Variants in MCF2L observed in about 807,000 individuals in gnomAD.
MCF2L encodes guanine nucleotide exchange factor DBS.
Under a neutral mutation model 153.4 loss-of-function variants are expected in MCF2L, and 97 were observed. That is an observed-to-expected ratio of 0.63 (90% CI 0.54 to 0.75). MCF2L has a LOEUF of 0.75. Ranked by LOEUF, MCF2L falls within the 30% of genes least tolerant of loss-of-function variation. The pLI, the probability that MCF2L is intolerant of heterozygous loss-of-function variation, is 0.00. For missense variants in MCF2L, 1,347 were observed against 1,495.2 expected (o/e 0.90, Z 1.64); for synonymous variants, 659 against 632.2 (o/e 1.04, Z -0.64).
Position 113,053,954 on chromosome 13 carries a change from T to C in MCF2L, c.370-6639T>C, listed in dbSNP as rs2087547011. On this transcript the variant is annotated intron_variant, in intron 4 of 29. Coordinates refer to ENST00000535094, the MANE Select transcript of MCF2L (RefSeq NM_001112732.3). The surrounding 1 kb of genome is among the most constrained non-coding windows in gnomAD (Gnocchi z 4.4). Reference sequence around the variant, plus strand: ...ATACTCCTCAACTCTTGATGGGAGCTCAGTTCACACGGCTCCGAATCGGCG... The same window carrying C: ...ATACTCCTCAACTCTTGATGGGAGCCCAGTTCACACGGCTCCGAATCGGCG... Among the ~76,000 whole-genome samples the C allele has an allele frequency of 1.3e-5, 2 of 152,070 alleles. 1 individual carries two copies. Among genetic ancestry groups the C allele is most frequent in the South Asian group, 4.1e-4 (2 of 4,826 alleles).
intron 2 of MCF2L, among the ~76,000 whole-genome samples, chr13:113,018,358 G>A (rs538209083): frequency 6.6e-6 from 1 of 152,354 alleles, no homozygotes; most frequent in Non-Finnish European, 1.5e-5. Flanking sequence ...GAAGCTACGA[G>A]ACCTGCCACC....
intron 2 of MCF2L, among the ~76,000 whole-genome samples, chr13:112,924,057 C>T (rs923154702): frequency 3.3e-5 from 5 of 152,078 alleles, no homozygotes; most frequent in Admixed American, 1.3e-4. Flanking sequence ...CGGTTTATCC[C>T]GTTACTGGTG....
At chr13:112,934,516 G>T (rs1195995543) in intron 2 of MCF2L, among the ~76,000 whole-genome samples, 1 of 92,916 alleles carries the variant, frequency 1.1e-5, no homozygotes, top group Non-Finnish European at 2.3e-5. Flanking sequence ...GATTCAAGAG[G>T]TCTGATGTGG....
intron 21 of MCF2L, among the ~76,000 whole-genome samples, chr13:113,086,574 G>C (rs1220288007): frequency 6.6e-6 from 1 of 152,184 alleles, no homozygotes; most frequent in Non-Finnish European, 1.5e-5. Context: ...AGGAGGCGTG[G>C]CTCGGAGCAG....
intron 22 of MCF2L, 31 bp downstream of exon 22, chr13:113,087,487 T>C: frequency 1.3e-6 from 2 of 1,539,240 alleles, no homozygotes; most frequent in Non-Finnish European, 1.8e-6. Flanking sequence ...AGCAGCACGC[T>C]CCTGGCCACA....
At chr13:113,038,626 C>G (rs1373509864) in intron 3 of MCF2L, among the ~76,000 whole-genome samples, 3 of 152,206 alleles carry the variant, frequency 2.0e-5, no homozygotes, top group African/African-American at 4.8e-5. Context: ...GCAGGTTTTT[C>G]TTTATTTAGG....
In MCF2L at chr13:113,031,723, T is replaced by C. The variant is rs188729425; in HGVS notation, c.278+6965T>C. ...AGCTGATGATGACGCTTACTTTCCA[T>C]GGGCCTGGCTCAAAGCTCCCAGCTC... On this transcript the variant is annotated intron_variant, in intron 3 of 29. Coordinates refer to ENST00000535094, the MANE Select transcript of MCF2L (RefSeq NM_001112732.3). The surrounding 1 kb of genome is among the most constrained non-coding windows in gnomAD (Gnocchi z 5.5). Among the ~76,000 whole-genome samples the C allele has an allele frequency of 2.0e-5, 3 of 150,690 alleles. No homozygotes were observed. The highest frequency in any genetic ancestry group is 4.4e-5 in the Non-Finnish European group (3 of 67,988).
At position 112,954,531 on chromosome 13, in the gene MCF2L, C is replaced by G. The variant is rs142522302; in HGVS notation, c.169+52160C>G. Among the ~76,000 whole-genome samples the G allele has an allele frequency of 4.4e-3, 663 of 152,304 alleles. 7 individuals carry two copies. Among genetic ancestry groups the G allele is most frequent in the African/African-American group, 0.015 (613 of 41,568 alleles). On this transcript the variant is annotated intron_variant, in intron 2 of 29. Coordinates refer to the MCF2L transcript ENST00000375608. ...CCTTAGTGGAGTTCATAGGGTGAAACCAGAGGAGGGTTTGCATGGAATGAC... is the reference window on the plus strand; with the variant it reads ...CCTTAGTGGAGTTCATAGGGTGAAAGCAGAGGAGGGTTTGCATGGAATGAC...
intron 4 of MCF2L, among the ~76,000 whole-genome samples, chr13:113,051,253 C>T (rs1284622804): frequency 2.6e-5 from 4 of 152,094 alleles, no homozygotes; most frequent in African/African-American, 7.2e-5. Context: ...TTCGGGGCGA[C>T]GAGGGAAGCT....
rs755680864 is a variant in MCF2L, at chr13:113,081,270, C to T, written c.1866C>T (p.Cys622=). The T allele has an allele frequency of 6.3e-6, 10 of 1,587,380 alleles. No individual in the cohort carries two copies. The highest frequency in any genetic ancestry group is 2.3e-5 in the East Asian group (1 of 43,982). ...GGGCCTACGTGGAGGAGCTGCTGTG[C>T]GTCCTGGAGGTGAGGCTGGACTCGG... ...TERAYVEELL[C]VLEGYAAEMD... is the part of the protein sequence containing the mutation. The change falls in exon 16 of 30, where the codon TGC becomes TGT. Residue 622 remains cysteine, a synonymous_variant. Transcript: ENST00000535094.
Position 112,987,498 on chromosome 13 carries a change from G to A in MCF2L, c.79+18040G>A, listed in dbSNP as rs77882028. ...GAAGCAGAGTTGGCCTTCTGCAGCC[G>A]CACAGTTGAGTCCTGGAGTTCAGAG... On this transcript the variant is annotated intron_variant, in intron 1 of 29. Transcript: ENST00000535094. 2.6e-3 allele frequency among the ~76,000 whole-genome samples: 395 copies of A among 152,328 alleles called. 2 individuals carry two copies. The highest frequency in any genetic ancestry group is 8.6e-3 in the African/African-American group (358 of 41,574).
At chr13:112,975,261 G>T (rs2082175319) in intron 1 of MCF2L, among the ~76,000 whole-genome samples, 1 of 152,226 alleles carries the variant, frequency 6.6e-6, no homozygotes, top group South Asian at 2.1e-4. Flanking sequence ...AATGTCTAAT[G>T]TCTGGTGGTC....
At chr13:113,095,044 C>T (rs746114395) in intron 27 of MCF2L, 3 of 1,371,888 alleles carry the variant, frequency 2.2e-6, no homozygotes, top group Non-Finnish European at 2.9e-6. Context: ...CCCCCCTACC[C>T]TTTATGTCAT....
chr13:113,042,453 A>G (rs2086558274), intron 3 of MCF2L: 1 of 152,252 alleles, frequency 6.6e-6, no homozygotes, highest in Admixed American at 6.5e-5. Context: ...TTTCTCATTG[A>G]AAACGGATGC....
chr13:112,966,721 G>A (rs574075918), upstream of MCF2L, among the ~76,000 whole-genome samples: 49 of 152,364 alleles, frequency 3.2e-4, 1 homozygote, highest in Admixed American at 2.8e-3. This position sits in a 1 kb window ranked among gnomAD's most constrained non-coding sequence, Gnocchi z 4.1. Context: ...AGATGCCCAA[G>A]GGGTGAAGAG....
rs865791203 is a variant in MCF2L, at chr13:113,096,189, T to A, written c.3076-182T>A. 1.4e-4 allele frequency: 83 copies of A among 609,046 alleles called. No individual in the cohort carries two copies. The African/African-American group carries it at 1.4e-3, about 10-fold the overall frequency. 37.7% of individuals were successfully genotyped at this position (609,046 alleles called of 1,614,324 possible). A position where few individuals can be genotyped will look rare whatever the true frequency, so the allele number is the denominator to read the frequency against. ...ATTCACAGACGCCTTCCATCGCCGC[T>A]GCGGTAGTCATGCCCTGCGGCGTAG... On this transcript the variant is annotated intron_variant, in intron 27 of 29. Coordinates refer to ENST00000535094, the MANE Select transcript of MCF2L (RefSeq NM_001112732.3).
At chr13:112,968,385 G>A, upstream of MCF2L, 3 of 1,524,358 alleles carry the variant, frequency 2.0e-6, no homozygotes, top group East Asian at 2.4e-5. Flanking sequence ...CCATGGCCCT[G>A]CATAGACACG....
intron 2 of MCF2L, among the ~76,000 whole-genome samples, chr13:112,933,089 C>T (rs2081479985): frequency 1.3e-5 from 2 of 152,214 alleles, no homozygotes; most frequent in African/African-American, 2.4e-5. Flanking sequence ...AAGAAAGAAA[C>T]GAACTTAACC....
intron 1 of MCF2L, among the ~76,000 whole-genome samples, chr13:112,989,239 A>G (rs61967090): frequency 5.2e-3 from 84 of 16,072 alleles, no homozygotes; most frequent in Non-Finnish European, 6.5e-3. Context: ...CCTGAGCAGG[A>G]GATGGAGCTA....
Sources: gnomAD v4.1 joint callset for allele counts (sites outside exome capture counted in the v4.1 genomes callset) on GRCh38, gnomAD v4.1.1 for gene constraint, Gnocchi (gnomAD v3.1) non-coding constraint, MANE v1.5 for transcripts, NCBI Gene and HGNC (gene_info 2026-07-23, HGNC 2026-07-21) for gene names.